Variants in CDH4 observed in about 807,000 individuals in gnomAD.
CDH4 encodes the protein cadherin-4.
Under a neutral mutation model 86.0 loss-of-function variants are expected in CDH4, and 33 were observed. That is an observed-to-expected ratio of 0.38 (90% CI 0.29 to 0.51). The LOEUF (loss-of-function observed/expected upper bound fraction) is 0.51, where lower values mean the gene tolerates loss of function less well. Ranked by LOEUF, CDH4 falls within the 20% of genes least tolerant of loss-of-function variation. The pLI is 0.86. For missense variants in CDH4, 1,114 were observed against 1,307.4 expected (o/e 0.85, Z 2.28); for synonymous variants, 555 against 549.4 (o/e 1.01, Z -0.14).
Position 61,929,760 on chromosome 20 carries a change from C to T in CDH4, c.2157C>T (p.Cys719=). The T allele has an allele frequency of 6.2e-7, 1 of 1,614,188 alleles. No individual in the cohort carries two copies. Among genetic ancestry groups the T allele is most frequent in the South Asian group, 1.1e-5 (1 of 91,084 alleles). Residue 719 remains cysteine (C), a synonymous_variant, in exon 13 of 16, where the codon TGC becomes TGT. Transcript: ENST00000614565. ...GCCCATGTGATGACAACGGGGACTGCACCACCATTGGCGCAGTGGCAGCGG... is the reference window on the plus strand; with the variant it reads ...GCCCATGTGATGACAACGGGGACTGTACCACCATTGGCGCAGTGGCAGCGG... ...KVCPCDDNGD[C]TTIGAVAAAG... is the part of the protein sequence containing the mutation.
chr20:61,747,593 G>A (rs1041466375), intron 3 of CDH4, among the ~76,000 whole-genome samples: 5 of 152,178 alleles, frequency 3.3e-5, no homozygotes, highest in East Asian at 1.9e-4. Flanking sequence ...ATTCTTAATC[G>A]TTGGGCAGTT....
intron 9 of CDH4, among the ~76,000 whole-genome samples, chr20:61,913,084 C>A (rs770708350): frequency 2.6e-5 from 4 of 152,160 alleles, no homozygotes; most frequent in Non-Finnish European, 5.9e-5. Flanking sequence ...GTATCTCTGA[C>A]TCCCACAGCT....
chr20:61,872,540 A>C (rs1983853071), intron 6 of CDH4, among the ~76,000 whole-genome samples: 1 of 152,162 alleles, frequency 6.6e-6, no homozygotes, highest in African/African-American at 2.4e-5. Flanking sequence ...CCCGTCAGCC[A>C]GGGGAGGCAC....
rs1486911268 is a variant in CDH4, at chr20:61,480,159, A to G, written c.169+225222A>G. Among the ~76,000 whole-genome samples the G allele has an allele frequency of 4.7e-5, 7 of 149,964 alleles. No individual in the cohort carries two copies. Among genetic ancestry groups the G allele is most frequent in the Non-Finnish European group, 8.8e-5 (6 of 68,016 alleles). On this transcript the variant is annotated intron_variant, in intron 2 of 15. Transcript: ENST00000614565. This position sits in a 1 kb window ranked among gnomAD's most constrained non-coding sequence, Gnocchi z 5.2. Reference sequence around the variant, plus strand: ...TCTGTCATCCTGATATATTTTATTGATTGCTTTTTATTCTCATGGGCCCTA... The same window carrying G: ...TCTGTCATCCTGATATATTTTATTGGTTGCTTTTTATTCTCATGGGCCCTA...
intron 2 of CDH4, among the ~76,000 whole-genome samples, chr20:61,655,706 C>G (rs2087179967): frequency 6.6e-6 from 1 of 152,248 alleles, no homozygotes; most frequent in African/African-American, 2.4e-5. Flanking sequence ...GTGGGTCATT[C>G]ATTCATTCAT....
At chr20:61,305,261 A>C (rs1037698212) in intron 2 of CDH4, among the ~76,000 whole-genome samples, 1 of 152,066 alleles carries the variant, frequency 6.6e-6, no homozygotes, top group Non-Finnish European at 1.5e-5. Flanking sequence ...CAGAGGGGGA[A>C]GAAACCTTCC....
chr20:61,331,673 C>T (rs1199233729), intron 2 of CDH4, among the ~76,000 whole-genome samples: 27 of 132,170 alleles, frequency 2.0e-4, no homozygotes, highest in Admixed American at 3.2e-4. Context: ...CCCAGGCTCA[C>T]CTCCTGCCCC....
chr20:61,811,501 G>A lies in CDH4; in HGVS notation c.577-33167G>A, dbSNP rs991580744. On this transcript the variant is annotated intron_variant, in intron 4 of 15. Coordinates refer to ENST00000614565, the MANE Select transcript of CDH4 (RefSeq NM_001794.5). The surrounding 1 kb of genome is among the most constrained non-coding windows in gnomAD (Gnocchi z 4.4). Reference sequence around the variant, plus strand: ...AAAGGAAGCTCATTTCAGAGCAGTGGAATCAACCAGTTAGAAATGGGAAAA... The same window carrying A: ...AAAGGAAGCTCATTTCAGAGCAGTGAAATCAACCAGTTAGAAATGGGAAAA... 4.6e-5 allele frequency among the ~76,000 whole-genome samples: 7 copies of A among 152,148 alleles called. No individual in the cohort carries two copies. Among genetic ancestry groups the A allele is most frequent in the Non-Finnish European group, 8.8e-5 (6 of 68,028 alleles).
At chr20:61,711,275 A>G (rs2087890021) in intron 2 of CDH4, among the ~76,000 whole-genome samples, 1 of 152,194 alleles carries the variant, frequency 6.6e-6, no homozygotes, top group Admixed American at 6.5e-5. Flanking sequence ...CCATGATTGT[A>G]AGTTTTCTGA....
chr20:61,885,127 C>T (rs985323875), intron 7 of CDH4, among the ~76,000 whole-genome samples: 1 of 152,094 alleles, frequency 6.6e-6, no homozygotes, highest in African/African-American at 2.4e-5. Flanking sequence ...GGACTGAAGT[C>T]GACACATAGC....
chr20:61,804,552 G>C (rs1399258238), intron 4 of CDH4, among the ~76,000 whole-genome samples: 1 of 152,200 alleles, frequency 6.6e-6, no homozygotes, highest in African/African-American at 2.4e-5. Flanking sequence ...GAAGCCTCCA[G>C]GTCCTGCCCT....
chr20:61,858,287 C>CTG (rs1275018097), intron 6 of CDH4, among the ~76,000 whole-genome samples: 1 of 139,524 alleles, frequency 7.2e-6, no homozygotes, highest in African/African-American at 2.7e-5. Context: ...GTGTCTGTGT[C>CTG]TGTGTGTGTG....
At position 61,548,240 on chromosome 20, in the gene CDH4, G is replaced by A. The variant is rs752365978; in HGVS notation, c.170-195323G>A. ...AAAACCTGTACAGTTCCGAGCAGAC[G>A]GGTGGTTTCACTCTAAGACTCCAAG... On this transcript the variant is annotated intron_variant, in intron 2 of 15. Transcript: ENST00000614565. Among the ~76,000 whole-genome samples the A allele has an allele frequency of 6.6e-5, 10 of 152,164 alleles. No homozygotes were observed. In the East Asian group the frequency reaches 9.6e-4, roughly 15 times the overall value.
chr20:61,923,388 C>A, intron 9 of CDH4, 63 bp from the exon 10 acceptor site: 2 of 1,558,826 alleles, frequency 1.3e-6, no homozygotes, highest in African/African-American at 1.3e-5. Flanking sequence ...CCCATGTGTC[C>A]CCCCATGCCC....
chr20:61,289,693 C>T lies in CDH4; in HGVS notation c.169+34756C>T, dbSNP rs538036790. Among the ~76,000 whole-genome samples the T allele has an allele frequency of 1.8e-3, 279 of 151,334 alleles. 1 individual carries two copies. The highest frequency in any genetic ancestry group is 6.6e-3 in the African/African-American group (272 of 41,146). ...CAACGAGACTTGCTGGGTTTATCCC[C>T]GTATCCAACGAGACTTGCTGGGTTT... On this transcript the variant is annotated intron_variant, in intron 2 of 15. Coordinates refer to ENST00000614565, the MANE Select transcript of CDH4 (RefSeq NM_001794.5).
intron 2 of CDH4, among the ~76,000 whole-genome samples, chr20:61,545,384 G>C (rs138445350): frequency 6.6e-6 from 1 of 152,220 alleles, no homozygotes; most frequent in Non-Finnish European, 1.5e-5. Flanking sequence ...CCAGCCTGTC[G>C]GAGTGAAGGA....
At chr20:61,771,416 G>C (rs981414066) in intron 3 of CDH4, among the ~76,000 whole-genome samples, 1 of 151,856 alleles carries the variant, frequency 6.6e-6, no homozygotes. Flanking sequence ...CGGAGGTCGG[G>C]AGTTTGAGAG....
intron 2 of CDH4, among the ~76,000 whole-genome samples, chr20:61,309,578 G>A (rs1389036742): frequency 6.6e-6 from 1 of 152,192 alleles, no homozygotes; most frequent in Non-Finnish European, 1.5e-5. Context: ...AAAAAGGAGG[G>A]AAAAACTTAG....
intron 2 of CDH4, among the ~76,000 whole-genome samples, chr20:61,467,067 T>C (rs2085476375): frequency 6.6e-6 from 1 of 152,230 alleles, no homozygotes; most frequent in Admixed American, 6.5e-5. Flanking sequence ...GGATTTTTAA[T>C]AAACCATTGC....
Sources: allele counts gnomAD v4.1 joint callset (sites outside exome capture counted in the v4.1 genomes callset), GRCh38; gene constraint gnomAD v4.1.1; non-coding constraint Gnocchi (gnomAD v3.1); transcripts MANE v1.5; gene names NCBI Gene and HGNC (gene_info 2026-07-23, HGNC 2026-07-21).